Variants in DENND1A observed in about 807,000 individuals in gnomAD.
The protein encoded by DENND1A is DENN domain-containing protein 1A.
In DENND1A, 51 loss-of-function variants were observed where a neutral mutation model predicts 113.7. The ratio of observed to expected loss-of-function variants is 0.45; its 90% CI spans 0.36 to 0.57. DENND1A has a LOEUF of 0.57. Among genes scored for constraint, DENND1A ranks in the 20% least tolerant of loss-of-function variants. DENND1A has a pLI of 0.00. For missense variants in DENND1A, 1,258 were observed against 1,395.9 expected (o/e 0.90, Z 1.57); for synonymous variants, 565 against 570.8 (o/e 0.99, Z 0.14).
At chr9:123,787,746 T>C (rs1253009171) in intron 3 of DENND1A, among the ~76,000 whole-genome samples, 2 of 152,170 alleles carry the variant, frequency 1.3e-5, no homozygotes, top group Non-Finnish European at 2.9e-5. Context: ...AGTGAAATTT[T>C]GAAATCACAT....
At chr9:123,473,697 G>C (rs1023439349) in intron 13 of DENND1A, among the ~76,000 whole-genome samples, 1 of 152,068 alleles carries the variant, frequency 6.6e-6, no homozygotes, top group Non-Finnish European at 1.5e-5. Context: ...CACAACTTTC[G>C]GCCTGTTCCT....
intron 2 of DENND1A, among the ~76,000 whole-genome samples, chr9:123,866,000 T>G (rs961575455): frequency 2.6e-5 from 4 of 152,214 alleles, no homozygotes; most frequent in Non-Finnish European, 5.9e-5. Context: ...TGGACGGCCA[T>G]GATGAAAATA....
chr9:123,486,636 A>G (rs1801835875), intron 13 of DENND1A, among the ~76,000 whole-genome samples: 1 of 152,208 alleles, frequency 6.6e-6, no homozygotes, highest in Admixed American at 6.5e-5. Flanking sequence ...GCAAGCCTTG[A>G]GCATGAGTGT....
intron 10 of DENND1A, among the ~76,000 whole-genome samples, chr9:123,625,327 T>C (rs1469203284): frequency 2.6e-5 from 4 of 152,256 alleles, no homozygotes; most frequent in African/African-American, 9.6e-5. Flanking sequence ...TGTTCAACAG[T>C]GGCAGCTATC....
intron 8 of DENND1A, among the ~76,000 whole-genome samples, chr9:123,655,697 G>A (rs916215631): frequency 1.3e-5 from 2 of 152,176 alleles, no homozygotes; most frequent in Admixed American, 6.5e-5. Context: ...ATATTTCTCC[G>A]ATGGGTAAGA....
intron 5 of DENND1A, among the ~76,000 whole-genome samples, chr9:123,695,139 T>G (rs1489915769): frequency 2.0e-5 from 3 of 152,094 alleles, no homozygotes; most frequent in Non-Finnish European, 4.4e-5. Flanking sequence ...CTGGCTCTCC[T>G]TGCTCCTCAG....
intron 21 of DENND1A, among the ~76,000 whole-genome samples, chr9:123,389,589 CTCTT>C (rs2130996694): frequency 6.6e-6 from 1 of 152,388 alleles, no homozygotes; most frequent in South Asian, 2.1e-4. Flanking sequence ...CCACCAGAGT[CTCTT>C]TCAATCACAA....
At chr9:123,810,563 A>AC (rs892585544) in intron 2 of DENND1A, among the ~76,000 whole-genome samples, 2 of 151,132 alleles carry the variant, frequency 1.3e-5, no homozygotes, top group African/African-American at 4.9e-5. Flanking sequence ...AAAAAAAAAA[A>AC]AAAAAACAAA....
intron 21 of DENND1A, among the ~76,000 whole-genome samples, chr9:123,389,547 AAGAC>A (rs1181404033): frequency 6.6e-6 from 1 of 152,220 alleles, no homozygotes. Flanking sequence ...CACAGCAAAG[AAGAC>A]AGAGCAGAAA....
chr9:123,586,407 G>A lies in DENND1A; in HGVS notation c.766-3137C>T, dbSNP rs780673479. Among the ~76,000 whole-genome samples, 10 of 152,196 alleles carry A rather than the reference G, an allele frequency of 6.6e-5. No individual in the cohort carries two copies. The East Asian group carries it at 9.6e-4, about 15-fold the overall frequency. ...CCCACTCCTGGCTGGAGGACTTGCC[G>A]GTTAAGCTCTGTGGAGTGTTTACTT... On this transcript the variant is annotated intron_variant, in intron 11 of 23. Coordinates refer to ENST00000394215, the MANE Select transcript of DENND1A (RefSeq NM_001352964.2).
At chr9:123,394,979 G>T (rs1388212157) in intron 21 of DENND1A, among the ~76,000 whole-genome samples, 1 of 152,204 alleles carries the variant, frequency 6.6e-6, no homozygotes, top group Admixed American at 6.5e-5. Flanking sequence ...TCATTCCACT[G>T]GCTACAGCCG....
chr9:123,887,332 A>T (rs1277072290), intron 1 of DENND1A, among the ~76,000 whole-genome samples: 1 of 152,120 alleles, frequency 6.6e-6, no homozygotes, highest in Non-Finnish European at 1.5e-5. Context: ...GTCCCTATGA[A>T]GGGGCAACAT....
chr9:123,540,013 A>G (rs867166868), intron 13 of DENND1A, among the ~76,000 whole-genome samples: 13 of 152,230 alleles, frequency 8.5e-5, no homozygotes, highest in African/African-American at 2.9e-4. Context: ...TAAAGATTGA[A>G]TGCCAACACT....
At chr9:123,468,984 C>T (rs866368403) in intron 13 of DENND1A, among the ~76,000 whole-genome samples, 4 of 152,320 alleles carry the variant, frequency 2.6e-5, no homozygotes, top group Non-Finnish European at 4.4e-5. Flanking sequence ...TCCCAGGGCT[C>T]ATGGTCTAAT....
At chr9:123,806,671 G>C (rs1835630678) in intron 2 of DENND1A, among the ~76,000 whole-genome samples, 1 of 152,126 alleles carries the variant, frequency 6.6e-6, no homozygotes, top group Admixed American at 6.5e-5. Flanking sequence ...GATTAGGAAT[G>C]CTTAACCTGT....
chr9:123,552,039 C>CAG (rs58452320), intron 13 of DENND1A, among the ~76,000 whole-genome samples: 2,543 of 128,394 alleles, frequency 0.02, 32 homozygotes, highest in South Asian at 0.035. Flanking sequence ...GAGAGAGAGA[C>CAG]AGAGAGAGAG....
intron 19 of DENND1A, among the ~76,000 whole-genome samples, chr9:123,424,270 G>A (rs2045544116): frequency 6.6e-6 from 1 of 152,280 alleles, no homozygotes; most frequent in South Asian, 2.1e-4. Flanking sequence ...CTCACGGACT[G>A]TACTTCAAGC....
intron 10 of DENND1A, among the ~76,000 whole-genome samples, chr9:123,610,865 G>T (rs1043124288): frequency 6.6e-6 from 1 of 152,158 alleles, no homozygotes; most frequent in Non-Finnish European, 1.5e-5. Context: ...CAATGGATAG[G>T]CAAGGGAGGT....
chr9:123,881,225 T>C (rs527769408), intron 1 of DENND1A, among the ~76,000 whole-genome samples: 1 of 152,328 alleles, frequency 6.6e-6, no homozygotes, highest in Non-Finnish European at 1.5e-5. Context: ...AAAAAATTGT[T>C]GTGCTCTTTT....
Sources: allele counts gnomAD v4.1 joint callset (sites outside exome capture counted in the v4.1 genomes callset), GRCh38; gene constraint gnomAD v4.1.1; transcripts MANE v1.5; gene names NCBI Gene and HGNC (gene_info 2026-07-23, HGNC 2026-07-21).